PARD3: variants seen among roughly 807,000 people sequenced by gnomAD.
PARD3 encodes partitioning defective 3 homolog.
In PARD3, 75 loss-of-function variants were observed where a neutral mutation model predicts 155.4. The ratio of observed to expected loss-of-function variants is 0.48; its 90% CI spans 0.40 to 0.58. The LOEUF (loss-of-function observed/expected upper bound fraction) is 0.58. Among genes scored for constraint, PARD3 ranks in the 20% least tolerant of loss-of-function variants. The probability of loss-of-function intolerance (pLI) is 0.00; values close to 1 mark genes in which losing one functional copy is unlikely to be tolerated. For missense variants in PARD3, 1,642 were observed against 1,721.7 expected (o/e 0.95, Z 0.82); for synonymous variants, 576 against 610.5 (o/e 0.94, Z 0.83).
chr10:34,459,551 C>T (rs1404392565), intron 4 of PARD3, among the ~76,000 whole-genome samples: 2 of 152,048 alleles, frequency 1.3e-5, no homozygotes, highest in Non-Finnish European at 2.9e-5. Flanking sequence ...CATTTTGCAT[C>T]AAGAATACTA....
At chr10:34,210,082 G>A (rs577906847) in intron 22 of PARD3, among the ~76,000 whole-genome samples, 1 of 152,322 alleles carries the variant, frequency 6.6e-6, no homozygotes, top group East Asian at 1.9e-4. Context: ...GAACATGTGA[G>A]TGATACTGTG....
chr10:34,630,443 CTT>C (rs755155387), intron 2 of PARD3, among the ~76,000 whole-genome samples: 10 of 139,298 alleles, frequency 7.2e-5, no homozygotes, highest in Non-Finnish European at 7.8e-5. Flanking sequence ...CCCTCTCTCT[CTT>C]TTTTTTTTTT....
At chr10:34,548,724 A>G in intron 2 of PARD3, among the ~76,000 whole-genome samples, 1 of 151,784 alleles carries the variant, frequency 6.6e-6, no homozygotes, top group Admixed American at 6.6e-5. Context: ...TCCAAGGAAA[A>G]AGCCAGGAAC....
intron 20 of PARD3, among the ~76,000 whole-genome samples, chr10:34,296,612 A>G (rs1956923367): frequency 6.6e-6 from 1 of 152,220 alleles, no homozygotes; most frequent in Admixed American, 6.5e-5. Context: ...ACTATAAAAT[A>G]CGTGGATGTG....
At chr10:34,326,775 A>G (rs1229092235) in intron 19 of PARD3, among the ~76,000 whole-genome samples, 1 of 152,194 alleles carries the variant, frequency 6.6e-6, no homozygotes, top group Non-Finnish European at 1.5e-5. Context: ...AATTATGTGT[A>G]TTCTGGAGCA....
At chr10:34,363,436 G>A (rs1202673735) in intron 12 of PARD3, among the ~76,000 whole-genome samples, 1 of 152,144 alleles carries the variant, frequency 6.6e-6, no homozygotes, top group Non-Finnish European at 1.5e-5. Context: ...TATGTTTCAT[G>A]TGATATTCCA....
intron 1 of PARD3, among the ~76,000 whole-genome samples, chr10:34,725,974 A>G (rs1206767980): frequency 6.6e-6 from 1 of 152,204 alleles, no homozygotes; most frequent in South Asian, 2.1e-4. Flanking sequence ...CTAAGCATAC[A>G]TGTCTTTAGA....
chr10:34,315,500 T>C (rs1178517962), intron 20 of PARD3, among the ~76,000 whole-genome samples: 1 of 152,206 alleles, frequency 6.6e-6, no homozygotes, highest in Admixed American at 6.5e-5. Context: ...GGAGAGCCCC[T>C]GGAAGAGAGA....
At chr10:34,808,900 C>A (rs1334778601) in intron 1 of PARD3, among the ~76,000 whole-genome samples, 2 of 152,208 alleles carry the variant, frequency 1.3e-5, no homozygotes, top group Non-Finnish European at 2.9e-5. Flanking sequence ...TGGCACTCAG[C>A]CAAGCATCTC....
intron 2 of PARD3, among the ~76,000 whole-genome samples, chr10:34,564,519 G>T (rs1025221376): frequency 2.6e-5 from 4 of 152,326 alleles, no homozygotes; most frequent in African/African-American, 9.6e-5. Context: ...TTGAGGGTAG[G>T]TTTCCAGCTC....
intron 2 of PARD3, among the ~76,000 whole-genome samples, chr10:34,631,637 T>G (rs2092274526): frequency 6.6e-6 from 1 of 152,136 alleles, no homozygotes; most frequent in African/African-American, 2.4e-5. Context: ...TATATAATGT[T>G]CTGTCACCCA....
chr10:34,193,908 G>T (rs1480097471), intron 22 of PARD3, among the ~76,000 whole-genome samples: 1 of 152,146 alleles, frequency 6.6e-6, no homozygotes, highest in Non-Finnish European at 1.5e-5. Flanking sequence ...AAACTACGGG[G>T]TGCTCCTCCT....
At chr10:34,536,177 G>A (rs1049206571) in intron 2 of PARD3, among the ~76,000 whole-genome samples, 2 of 151,940 alleles carry the variant, frequency 1.3e-5, no homozygotes, top group Admixed American at 6.6e-5. Flanking sequence ...CCACACATTG[G>A]AGCCACTTGT....
chr10:34,809,408 C>T (rs942104697), intron 1 of PARD3, among the ~76,000 whole-genome samples: 3 of 152,100 alleles, frequency 2.0e-5, no homozygotes, highest in African/African-American at 4.8e-5. Context: ...GCATCTGAGT[C>T]GGTACAGGAG....
chr10:34,551,928 G>A lies in PARD3; in HGVS notation c.223-34769C>T, dbSNP rs1471814887. On this transcript the variant is annotated intron_variant, in intron 2 of 24. Coordinates refer to ENST00000374788, the MANE Select transcript of PARD3 (RefSeq NM_001184785.2). ...ACTGGAGTAGCAACACAGTGTTACTGTCACTGCCAAAGGTTGTCTGTCTTG... is the reference window on the plus strand; with the variant it reads ...ACTGGAGTAGCAACACAGTGTTACTATCACTGCCAAAGGTTGTCTGTCTTG... Among the ~76,000 whole-genome samples, 3 of 152,196 alleles carry A rather than the reference G, an allele frequency of 2.0e-5. No homozygotes were observed. In the East Asian group the frequency reaches 5.8e-4, roughly 29 times the overall value.
intron 2 of PARD3, among the ~76,000 whole-genome samples, chr10:34,678,538 C>A (rs2093754215): frequency 1.3e-5 from 2 of 152,070 alleles, no homozygotes; most frequent in African/African-American, 4.8e-5. Flanking sequence ...CCATTAAAAA[C>A]ATGTTTTAGT....
intron 23 of PARD3, among the ~76,000 whole-genome samples, chr10:34,125,071 C>CTTTCTTTTTTTT (rs1554790399): frequency 5.7e-5 from 8 of 140,648 alleles, no homozygotes; most frequent in African/African-American, 1.4e-4. Context: ...CTATTTCTTT[C>CTTTCTTTTTTTT]TTTTTTTTTT....
In PARD3 at chr10:34,627,658, A is replaced by C. The variant is rs563223459; in HGVS notation, c.222+68660T>G. ...CTTCCGAAGCCAGGAACAGGCATGG[A>C]GCAGGTTCTTCTCTAGAGCCTTTGG... On this transcript the variant is annotated intron_variant, in intron 2 of 24. Transcript: ENST00000374788. 2.0e-5 allele frequency among the ~76,000 whole-genome samples: 3 copies of C among 152,292 alleles called. No individual in the cohort carries two copies. In the South Asian group the frequency reaches 6.2e-4, roughly 32 times the overall value.
At position 34,378,059 on chromosome 10, in the gene PARD3, C is replaced by CTAT; in HGVS notation, c.1444_1446dup (p.Ile482dup). On this transcript the variant is annotated inframe_insertion, in exon 10 of 25. Transcript: ENST00000374788. ...TTCACATAGATTGGAGCTGAGCCAC[C>CTAT]TATTGTTACATCTCTGGAAGTGATG... 6.9e-6 allele frequency: 11 copies of CTAT among 1,597,140 alleles called. No individual in the cohort carries two copies. Among genetic ancestry groups the CTAT allele is most frequent in the Non-Finnish European group, 9.4e-6 (11 of 1,173,154 alleles).
Sources: gnomAD v4.1 joint callset for allele counts (sites outside exome capture counted in the v4.1 genomes callset) on GRCh38, gnomAD v4.1.1 for gene constraint, MANE v1.5 for transcripts, NCBI Gene and HGNC (gene_info 2026-07-23, HGNC 2026-07-21) for gene names.